CASTOR2: variants seen among roughly 807,000 people sequenced by gnomAD.
CASTOR2 encodes cytosolic arginine sensor for mTORC1 subunit 2.
Under a neutral mutation model 31.2 loss-of-function variants are expected in CASTOR2, and 8 were observed. The ratio of observed to expected loss-of-function variants is 0.26; its 90% CI spans 0.15 to 0.46. The LOEUF is 0.46. Among genes scored for constraint, CASTOR2 ranks in the 20% least tolerant of loss-of-function variants. The pLI is 0.99. For synonymous variants in CASTOR2, 162 were observed against 158.7 expected (o/e 1.02, Z -0.16); for missense variants, 216 against 382.1 (o/e 0.57, Z 3.62).
chr7:74,998,741 A>G (rs1397267792), intron 1 of CASTOR2, among the ~76,000 whole-genome samples: 45 of 151,936 alleles, frequency 3.0e-4, no homozygotes, highest in African/African-American at 8.0e-4. Context: ...GGGAGATCCA[A>G]AATCAGTGAT....
intron 2 of CASTOR2, among the ~76,000 whole-genome samples, chr7:75,011,516 C>T (rs1415707784): frequency 1.3e-5 from 2 of 151,012 alleles, no homozygotes; most frequent in African/African-American, 4.9e-5. Flanking sequence ...GGGTGGATCA[C>T]GAGGTCAGGA....
chr7:75,023,111 A>G (rs1222721117), intron 7 of CASTOR2, among the ~76,000 whole-genome samples: 10 of 152,102 alleles, frequency 6.6e-5, no homozygotes, highest in Admixed American at 6.6e-4. Flanking sequence ...GATCGAGATC[A>G]TCCTGGCTAA....
chr7:75,018,190 C>T, intron 4 of CASTOR2, 68 bp downstream of exon 4: 2 of 1,577,564 alleles, frequency 1.3e-6, no homozygotes, highest in South Asian at 2.3e-5. Context: ...CGCAGACCAG[C>T]CTTACTCTCA....
chr7:74,979,392 A>ATTTTT (rs56307933), intron 1 of CASTOR2, among the ~76,000 whole-genome samples: 1 of 117,926 alleles, frequency 8.5e-6, no homozygotes, highest in Non-Finnish European at 1.8e-5. Flanking sequence ...ATGTTCCCAT[A>ATTTTT]TTTTTTTTTT....
intron 1 of CASTOR2, among the ~76,000 whole-genome samples, chr7:75,000,958 C>T (rs1375614267): frequency 5.3e-5 from 8 of 152,276 alleles, no homozygotes; most frequent in African/African-American, 1.2e-4. Flanking sequence ...CCACCGCACC[C>T]GGCAGGCCAG....
At chr7:74,991,245 T>C (rs1471940419) in intron 1 of CASTOR2, among the ~76,000 whole-genome samples, 6 of 152,042 alleles carry the variant, frequency 3.9e-5, no homozygotes, top group African/African-American at 9.7e-5. Context: ...TCTCCATAAC[T>C]GGATATGAGG....
In CASTOR2 at chr7:75,027,137, T is replaced by C. The variant is rs1488629542; in HGVS notation, c.*2438T>C. 1.3e-5 allele frequency: 2 copies of C among 152,264 alleles called. No individual in the cohort carries two copies. The highest frequency in any genetic ancestry group is 1.3e-4 in the Admixed American group (2 of 15,282). The allele number at this position is 152,264 out of a possible 1,614,324, so 9.4% of individuals were successfully genotyped here. A position where few individuals can be genotyped will look rare whatever the true frequency, so the allele number is the denominator to read the frequency against. ...GGGCACATTTGAGCCACCATATATTTTTAATTCAAGTATATAGGCAATACG... is the reference window on the plus strand; with the variant it reads ...GGGCACATTTGAGCCACCATATATTCTTAATTCAAGTATATAGGCAATACG... On this transcript the variant is annotated 3_prime_UTR_variant, in exon 9 of 9. Coordinates refer to ENST00000616305, the MANE Select transcript of CASTOR2 (RefSeq NM_001145064.3).
intron 2 of CASTOR2, among the ~76,000 whole-genome samples, chr7:75,015,940 G>A (rs1247595647): frequency 9.2e-5 from 14 of 152,124 alleles, no homozygotes; most frequent in Admixed American, 8.5e-4. Context: ...GATGTTGGGT[G>A]CCTCTAATCC....
chr7:75,009,615 C>T (rs1270515418), intron 2 of CASTOR2, among the ~76,000 whole-genome samples: 1 of 151,776 alleles, frequency 6.6e-6, no homozygotes, highest in Non-Finnish European at 1.5e-5. Context: ...TTAAGTGGCC[C>T]CCCCCGCCCC....
intron 7 of CASTOR2, among the ~76,000 whole-genome samples, chr7:75,022,840 G>T (rs1327138312): frequency 6.6e-6 from 1 of 151,842 alleles, no homozygotes; most frequent in Non-Finnish European, 1.5e-5. Flanking sequence ...AATAAATTGG[G>T]GCTGTGATAA....
Position 75,030,144 on chromosome 7 carries a change from T to G in CASTOR2, c.*5445T>G, listed in dbSNP as rs1246458162. Reference sequence around the variant, plus strand: ...TGTCACTATAAGGGAAGAGGAGCTATGGAAATTGGAAGTGCAGGGTGGCCT... The same window carrying G: ...TGTCACTATAAGGGAAGAGGAGCTAGGGAAATTGGAAGTGCAGGGTGGCCT... On this transcript the variant is annotated 3_prime_UTR_variant, in exon 9 of 9. Transcript: ENST00000616305. Among the ~76,000 whole-genome samples, 1 of 152,106 alleles carries G rather than the reference T, an allele frequency of 6.6e-6. No individual in the cohort carries two copies. Among genetic ancestry groups the G allele is most frequent in the African/African-American group, 2.4e-5 (1 of 41,402 alleles).
chr7:74,993,742 T>C (rs1374255573), intron 1 of CASTOR2, among the ~76,000 whole-genome samples: 1 of 150,626 alleles, frequency 6.6e-6, no homozygotes, highest in Non-Finnish European at 1.5e-5. Flanking sequence ...TGAGCCACCG[T>C]GCCTGGCACC....
chr7:75,018,925 T>C, intron 4 of CASTOR2, 47 bp from the exon 5 acceptor site: 1 of 1,551,700 alleles, frequency 6.4e-7, no homozygotes, highest in East Asian at 2.4e-5. Context: ...CCAGAGCTGC[T>C]GCTTTCAGTC....
chr7:75,006,071 A>C (rs1273127335), intron 1 of CASTOR2, among the ~76,000 whole-genome samples: 7 of 152,182 alleles, frequency 4.6e-5, no homozygotes, highest in Non-Finnish European at 8.8e-5. Context: ...CGGAGGTTGC[A>C]GTGAGCTGAG....
chr7:75,026,568 G>T lies in CASTOR2; in HGVS notation c.*1869G>T, dbSNP rs1465488080. Among the ~76,000 whole-genome samples the T allele has an allele frequency of 6.6e-6, 1 of 152,154 alleles. No homozygotes were observed. The highest frequency in any genetic ancestry group is 1.5e-5 in the Non-Finnish European group (1 of 68,026). ...AAGTGTTCCCTGCTTCTCTGAGTGGGACCCTCTGAGCCCTGGAAGCCCACC... is the reference window on the plus strand; with the variant it reads ...AAGTGTTCCCTGCTTCTCTGAGTGGTACCCTCTGAGCCCTGGAAGCCCACC... On this transcript the variant is annotated 3_prime_UTR_variant, in exon 9 of 9. Transcript: ENST00000616305.
intron 1 of CASTOR2, among the ~76,000 whole-genome samples, chr7:75,000,053 C>A (rs1310985794): frequency 6.6e-6 from 1 of 152,008 alleles, no homozygotes; most frequent in Non-Finnish European, 1.5e-5. Context: ...ATAGCAAGAC[C>A]CCGTCTCCAC....
intron 7 of CASTOR2, among the ~76,000 whole-genome samples, chr7:75,023,579 A>C (rs1174419564): frequency 4.0e-5 from 6 of 150,608 alleles, no homozygotes; most frequent in African/African-American, 1.5e-4. Context: ...AGCTGGGACT[A>C]TAGGCACGTG....
intron 1 of CASTOR2, among the ~76,000 whole-genome samples, chr7:74,995,959 C>G (rs1804336803): frequency 6.6e-6 from 1 of 151,928 alleles, no homozygotes; most frequent in African/African-American, 2.4e-5. Flanking sequence ...GCCTGGGCAA[C>G]AGAGCAAGAC....
In CASTOR2 at chr7:75,000,319, G is replaced by A. The variant is rs1468943282; in HGVS notation, c.114-7675G>A. Among the ~76,000 whole-genome samples the A allele has an allele frequency of 2.6e-5, 4 of 152,252 alleles. No homozygotes were observed. In the East Asian group the frequency reaches 7.7e-4, roughly 29 times the overall value. On this transcript the variant is annotated intron_variant, in intron 1 of 8. Coordinates refer to ENST00000616305, the MANE Select transcript of CASTOR2 (RefSeq NM_001145064.3). ...CAGAAGTTGGCTGGCAGGGGCAGGG[G>A]TGGGCGGTCTCCAGAAGCAGGTGAG... is the stretch of plus-strand genomic sequence containing the variant.
Sources: allele counts gnomAD v4.1 joint callset (sites outside exome capture counted in the v4.1 genomes callset), GRCh38; gene constraint gnomAD v4.1.1; transcripts MANE v1.5; gene names NCBI Gene and HGNC (gene_info 2026-07-23, HGNC 2026-07-21).